SLC22A3: variants seen among roughly 807,000 people sequenced by gnomAD.
SLC22A3 encodes EMT organic cation transporter 3.
Under a neutral mutation model 59.1 loss-of-function variants are expected in SLC22A3, and 51 were observed. The ratio of observed to expected loss-of-function variants is 0.86; its 90% CI spans 0.69 to 1.09. The LOEUF is 1.09. Ranked by LOEUF, SLC22A3 falls within the 50% of genes least tolerant of loss-of-function variation. The pLI is 0.00. For missense variants in SLC22A3, 711 were observed against 726.3 expected (o/e 0.98, Z 0.24); for synonymous variants, 325 against 292.0 (o/e 1.11, Z -1.15).
intron 5 of SLC22A3, among the ~76,000 whole-genome samples, chr6:160,435,619 T>C (rs932446356): frequency 1.3e-5 from 2 of 152,216 alleles, no homozygotes; most frequent in Admixed American, 6.5e-5. Context: ...TCAGTGTGTG[T>C]ATGCTCTAAG....
chr6:160,385,344 A>G (rs901850380), intron 1 of SLC22A3, among the ~76,000 whole-genome samples: 2 of 152,166 alleles, frequency 1.3e-5, no homozygotes, highest in African/African-American at 4.8e-5. Context: ...GTCATGGGAG[A>G]CACAGTGCCT....
At chr6:160,379,747 C>T (rs1428350392) in intron 1 of SLC22A3, among the ~76,000 whole-genome samples, 1 of 152,152 alleles carries the variant, frequency 6.6e-6, no homozygotes, top group Non-Finnish European at 1.5e-5. Context: ...TATTTCATTT[C>T]TTACCTGTGC....
chr6:160,374,191 G>A (rs999325072), intron 1 of SLC22A3, among the ~76,000 whole-genome samples: 11 of 152,224 alleles, frequency 7.2e-5, no homozygotes, highest in African/African-American at 2.7e-4. Flanking sequence ...TGGGAAAAGT[G>A]TAGTATCTGG....
At chr6:160,422,642 T>C (rs1021545756) in intron 5 of SLC22A3, among the ~76,000 whole-genome samples, 1 of 152,208 alleles carries the variant, frequency 6.6e-6, no homozygotes, top group Non-Finnish European at 1.5e-5. Context: ...GAATTTCATA[T>C]ACAGAAAGGC....
chr6:160,348,856 C>T lies in SLC22A3; in HGVS notation c.429+8C>T, dbSNP rs1211061757. 3 of 1,575,308 alleles carry T rather than the reference C, an allele frequency of 1.9e-6. No individual in the cohort carries two copies. Among genetic ancestry groups the T allele is most frequent in the African/African-American group, 2.7e-5 (2 of 74,582 alleles). On this transcript the variant is annotated splice_region_variant and intron_variant, in intron 1 of 10. Coordinates refer to ENST00000275300, the MANE Select transcript of SLC22A3 (RefSeq NM_021977.4). The stretch of plus-strand genomic sequence containing the variant: ...TCCACCATCGTCAGCGAGGTAAGGG[C>T]GCCCCGGCCCTTTGGAAGCCGGCGG...
At chr6:160,446,479 G>A (rs998959238) in intron 9 of SLC22A3, among the ~76,000 whole-genome samples, 7 of 152,182 alleles carry the variant, frequency 4.6e-5, no homozygotes, top group African/African-American at 1.2e-4. Flanking sequence ...AAGCAGGCAC[G>A]TCCTACATGG....
In SLC22A3 at chr6:160,383,409, G is replaced by A. The variant is rs532629561; in HGVS notation, c.430-14570G>A. 2.7e-4 allele frequency among the ~76,000 whole-genome samples: 41 copies of A among 152,174 alleles called. No individual in the cohort carries two copies. The East Asian group carries it at 2.7e-3, about 10-fold the overall frequency. On this transcript the variant is annotated intron_variant, in intron 1 of 10. Transcript: ENST00000275300. Reference sequence around the variant, plus strand: ...TCCACTGCACCCCAAATCAGCCTCCGATAGATATTGCATCTGACCCTGGGG... The same window carrying A: ...TCCACTGCACCCCAAATCAGCCTCCAATAGATATTGCATCTGACCCTGGGG...
chr6:160,390,172 G>A (rs546770703), intron 1 of SLC22A3, among the ~76,000 whole-genome samples: 1 of 152,180 alleles, frequency 6.6e-6, no homozygotes, highest in Non-Finnish European at 1.5e-5. Flanking sequence ...TGATCCACTT[G>A]TTAAGCACTC....
chr6:160,424,044 C>CCTTCTTT (rs1787857488), intron 5 of SLC22A3, among the ~76,000 whole-genome samples: 1 of 152,006 alleles, frequency 6.6e-6, no homozygotes, highest in South Asian at 2.1e-4. Flanking sequence ...ACATATGTCA[C>CCTTCTTT]CTTCTTTAGT....
intron 2 of SLC22A3, among the ~76,000 whole-genome samples, chr6:160,401,550 A>G (rs1296687028): frequency 6.6e-6 from 1 of 152,044 alleles, no homozygotes; most frequent in East Asian, 1.9e-4. Flanking sequence ...TTATTTAGAG[A>G]GAATGAAAAT....
At chr6:160,387,415 C>T (rs2221750) in intron 1 of SLC22A3, among the ~76,000 whole-genome samples, 38,808 of 152,146 alleles carry the variant, frequency 0.26, 5,151 homozygotes, top group Admixed American at 0.33. Context: ...CTGCCACACT[C>T]ATGAGCAGTA....
At chr6:160,355,614 C>CA (rs1201074199) in intron 1 of SLC22A3, among the ~76,000 whole-genome samples, 3 of 140,406 alleles carry the variant, frequency 2.1e-5, no homozygotes, top group African/African-American at 5.2e-5. Context: ...AAAAAAAATA[C>CA]AAAAACGATT....
At chr6:160,426,536 G>A (rs1787960491) in intron 5 of SLC22A3, among the ~76,000 whole-genome samples, 1 of 152,166 alleles carries the variant, frequency 6.6e-6, no homozygotes, top group Admixed American at 6.5e-5. Flanking sequence ...CTTATGAAGT[G>A]GAGTGTGCTG....
rs529425167 is a variant in SLC22A3, at chr6:160,451,958, C to T, written c.*902C>T. The T allele has an allele frequency of 3.3e-5, 5 of 152,186 alleles. No homozygotes were observed. Among genetic ancestry groups the T allele is most frequent in the East Asian group, 1.9e-4 (1 of 5,174 alleles). 9.4% of individuals were successfully genotyped at this position (152,186 alleles called of 1,614,324 possible). On this transcript the variant is annotated 3_prime_UTR_variant, in exon 11 of 11. Transcript: ENST00000275300. ...TTCCGATGGTGCCCGTGGTCAAAAG[C>T]GAAAAACATGGACAATTCCTATTCA...
intron 1 of SLC22A3, among the ~76,000 whole-genome samples, chr6:160,376,883 A>G (rs1785616013): frequency 6.6e-6 from 1 of 152,200 alleles, no homozygotes; most frequent in South Asian, 2.1e-4. Context: ...TTGCACAACT[A>G]TTATTAATGT....
rs1376309432 is a variant in SLC22A3, at chr6:160,348,439, C to T, written c.20C>T (p.Ala7Val). The T allele has an allele frequency of 2.0e-6, 3 of 1,517,708 alleles. No individual in the cohort carries two copies. Among genetic ancestry groups the T allele is most frequent in the Admixed American group, 2.0e-5 (1 of 50,902 alleles). 94.0% of individuals were successfully genotyped at this position (1,517,708 alleles called of 1,614,324 possible). A position where few individuals can be genotyped will look rare whatever the true frequency, so the allele number is the denominator to read the frequency against. ...CGCACCATGCCCTCCTTCGACGAGG[C>T]GCTGCAGCGGGTGGGCGAGTTCGGG... Reference protein sequence around the residue: MPSFDEALQRVGEFGRF... With the variant: MPSFDEVLQRVGEFGRF... Residue 7 changes from alanine (A) to valine (V), a missense_variant, in exon 1 of 11, where the codon GCG becomes GTG. By Grantham distance (64) the Ala-to-Val change is moderately conservative (BLOSUM62 0). Coordinates refer to ENST00000275300, the MANE Select transcript of SLC22A3 (RefSeq NM_021977.4).
intron 5 of SLC22A3, among the ~76,000 whole-genome samples, chr6:160,416,447 T>C (rs573171584): frequency 6.6e-6 from 1 of 150,960 alleles, no homozygotes; most frequent in South Asian, 2.1e-4. Flanking sequence ...TTGCATACGA[T>C]AACTTTTAAG....
At chr6:160,448,058 C>T (rs901275213) in intron 10 of SLC22A3, among the ~76,000 whole-genome samples, 1 of 151,656 alleles carries the variant, frequency 6.6e-6, no homozygotes, top group African/African-American at 2.4e-5. Flanking sequence ...AGCATTTTCA[C>T]ATAAGGTGCT....
At chr6:160,440,628 A>G (rs1001130068) in intron 7 of SLC22A3, among the ~76,000 whole-genome samples, 6 of 152,238 alleles carry the variant, frequency 3.9e-5, no homozygotes, top group African/African-American at 1.4e-4. Flanking sequence ...CCACCTCAAA[A>G]TGAATTTAGC....
Sources: gnomAD v4.1 joint callset for allele counts (sites outside exome capture counted in the v4.1 genomes callset) on GRCh38, gnomAD v4.1.1 for gene constraint, MANE v1.5 for transcripts, NCBI Gene and HGNC (gene_info 2026-07-23, HGNC 2026-07-21) for gene names.